Variants in IQSEC3 observed in about 807,000 individuals in gnomAD.
The protein encoded by IQSEC3 is IQ motif and SEC7 domain-containing protein 3.
A neutral mutation model predicts 105.4 loss-of-function variants in IQSEC3; 50 were observed. That is an observed-to-expected ratio of 0.47 (90% confidence interval 0.38 to 0.60). The LOEUF (loss-of-function observed/expected upper bound fraction) is 0.60, where lower values mean the gene tolerates loss of function less well. Among genes scored for constraint, IQSEC3 ranks in the 20% least tolerant of loss-of-function variants. The probability of loss-of-function intolerance (pLI) is 0.00; values close to 1 mark genes in which losing one functional copy is unlikely to be tolerated. For missense variants in IQSEC3, 1,415 were observed against 1,630.0 expected, an observed-to-expected ratio of 0.87 and a Z score of 2.27; for synonymous variants, 708 against 746.0, an observed-to-expected ratio of 0.95 and a Z score of 0.83.
chr12:109,997 A>T (rs896514567), intron 2 of IQSEC3, among the ~76,000 whole-genome samples: 8 of 152,186 alleles, frequency 5.3e-5, no homozygotes, highest in Admixed American at 2.6e-4. Flanking sequence ...AACAACAAAG[A>T]TTCAGCAACA....
chr12:91,130 C>T (rs1465287694), intron 1 of IQSEC3, among the ~76,000 whole-genome samples: 1 of 152,172 alleles, frequency 6.6e-6, no homozygotes, highest in African/African-American at 2.4e-5. Context: ...GGGGGATCCT[C>T]CTTCAGAGTT....
chr12:84,463 T>C (rs1378934215), intron 1 of IQSEC3, among the ~76,000 whole-genome samples: 1 of 152,224 alleles, frequency 6.6e-6, no homozygotes, highest in Admixed American at 6.5e-5. Flanking sequence ...TATGTGAGAA[T>C]ATGTATGTGT....
At chr12:130,859 C>T (rs1360234076) in intron 3 of IQSEC3, among the ~76,000 whole-genome samples, 1 of 152,226 alleles carries the variant, frequency 6.6e-6, no homozygotes, top group Admixed American at 6.5e-5. Flanking sequence ...TCTCTCTGCT[C>T]CTCAGCCTCA....
At chr12:154,653 G>T (rs530358203) in intron 5 of IQSEC3, among the ~76,000 whole-genome samples, 1 of 152,206 alleles carries the variant, frequency 6.6e-6, no homozygotes, top group Admixed American at 6.5e-5. Flanking sequence ...GCTCCATGCC[G>T]CCCCCACCAC....
Position 112,865 on chromosome 12 carries a change from GT to G in IQSEC3, c.624-12760del, listed in dbSNP as rs534854967. On this transcript the variant is annotated intron_variant, in intron 2 of 13. Coordinates refer to ENST00000538872, the MANE Select transcript of IQSEC3 (RefSeq NM_001170738.2). ...GAAGCCCTCTGTAGGCCTGTGCACT[GT>G]TTTTTTTCCTACATTTCACTTATTA... Among the ~76,000 whole-genome samples the G allele has an allele frequency of 4.6e-5, 7 of 151,850 alleles. No homozygotes were observed. The South Asian group carries it at 8.3e-4, about 18-fold the overall frequency.
At chr12:97,664 A>G (rs1366386913) in intron 1 of IQSEC3, among the ~76,000 whole-genome samples, 2 of 152,134 alleles carry the variant, frequency 1.3e-5, no homozygotes, top group East Asian at 3.9e-4. Flanking sequence ...AAATTTTTTT[A>G]AATTAGCTGA....
At position 170,336 on chromosome 12, in the gene IQSEC3, C is replaced by T. The variant is rs370903057; in HGVS notation, c.3065-776C>T. The stretch of plus-strand genomic sequence containing the variant: ...TCCTGCCTCTCTTTTGGAAGCTGCC[C>T]GCCCTGGTTAGGCCCAGATGCCTGT... On this transcript the variant is annotated intron_variant, in intron 12 of 13. Coordinates refer to ENST00000538872, the MANE Select transcript of IQSEC3 (RefSeq NM_001170738.2). Among the ~76,000 whole-genome samples, 8 of 151,570 alleles carry T rather than the reference C, an allele frequency of 5.3e-5. No individual in the cohort carries two copies. In the East Asian group the frequency reaches 9.9e-4, roughly 19 times the overall value.
chr12:158,858 C>T (rs1866789040), intron 7 of IQSEC3, among the ~76,000 whole-genome samples: 1 of 152,184 alleles, frequency 6.6e-6, no homozygotes, highest in Non-Finnish European at 1.5e-5. Context: ...GAGGTTTCAC[C>T]ATGTTGAACA....
rs782179616 is a variant in IQSEC3, at chr12:169,043, C to T, written c.3002C>T (p.Thr1001Ile). Residue 1001 changes from threonine (T) to isoleucine (I), a missense_variant, in exon 12 of 14, where the codon ACA (threonine) becomes ATA (isoleucine). This residue lies in a region of IQSEC3 where 419 missense variants were observed against 436.2 expected (regional missense o/e 0.96). Coordinates refer to ENST00000538872, the MANE Select transcript of IQSEC3 (RefSeq NM_001170738.2). ...CTGGAGAAGCAGCAGGGAACAAAGA[C>T]ACTCTCCTTCAAGCCCTGCGGAGCC... The part of the protein sequence containing the change: ...WELEKQQGTK[T>I]LSFKPCGAQG... 3.1e-6 allele frequency: 5 copies of T among 1,614,108 alleles called. No homozygotes were observed. The highest frequency in any genetic ancestry group is 4.2e-6 in the Non-Finnish European group (5 of 1,180,024).
chr12:172,762 G>C (rs1002373316), intron 13 of IQSEC3, among the ~76,000 whole-genome samples: 8 of 152,212 alleles, frequency 5.3e-5, no homozygotes, highest in Non-Finnish European at 8.8e-5. Context: ...GCAGGGAGGT[G>C]AGAAGGGGGT....
At chr12:145,270 C>CT (rs1170807510) in intron 5 of IQSEC3, among the ~76,000 whole-genome samples, 1 of 152,138 alleles carries the variant, frequency 6.6e-6, no homozygotes, top group Non-Finnish European at 1.5e-5. Flanking sequence ...TAAATGTTAG[C>CT]TCTTTCTTTT....
chr12:141,821 T>C (rs2291925), intron 5 of IQSEC3: 79,522 of 152,616 alleles, frequency 0.52, 24,198 homozygotes, highest in East Asian at 0.67. Context: ...AAAGAAAAAT[T>C]GTTTCTTTAA....
At chr12:70,015 C>G (rs527364455) in intron 1 of IQSEC3, among the ~76,000 whole-genome samples, 1 of 152,254 alleles carries the variant, frequency 6.6e-6, no homozygotes, top group Admixed American at 6.5e-5. Flanking sequence ...TGGTTCTCTA[C>G]TGGGAGTGCT....
At chr12:173,829 AG>A (rs908804206) in intron 13 of IQSEC3, among the ~76,000 whole-genome samples, 3 of 152,104 alleles carry the variant, frequency 2.0e-5, no homozygotes, top group African/African-American at 7.2e-5. Context: ...GCTAGTCCAT[AG>A]TGACCTCCAT....
chr12:168,134 G>A (rs572239312), intron 11 of IQSEC3, among the ~76,000 whole-genome samples: 4 of 152,342 alleles, frequency 2.6e-5, no homozygotes, highest in African/African-American at 9.6e-5. Flanking sequence ...CTTGAGTTAT[G>A]TCTCCTGGAA....
At chr12:126,434 G>A (rs1231088493) in intron 3 of IQSEC3, among the ~76,000 whole-genome samples, 1 of 152,188 alleles carries the variant, frequency 6.6e-6, no homozygotes, top group Non-Finnish European at 1.5e-5. Context: ...AGGGGCCTGG[G>A]CCTCCATTTT....
intron 3 of IQSEC3, among the ~76,000 whole-genome samples, chr12:126,572 T>TGTGTGTGTGTGTGTGTGTGC (rs1260117695): frequency 6.6e-6 from 1 of 151,384 alleles, no homozygotes; most frequent in South Asian, 2.1e-4. Context: ...TGTGTGTGTG[T>TGTGTGTGTGTGTGTGTGTGC]GCGCTTAGAG....
At position 152,826 on chromosome 12, in the gene IQSEC3, G is replaced by C. The variant is rs1469628343; in HGVS notation, c.2154-4199G>C. Among the ~76,000 whole-genome samples, 1 of 152,192 alleles carries C rather than the reference G, an allele frequency of 6.6e-6. No individual in the cohort carries two copies. The highest frequency in any genetic ancestry group is 2.4e-5 in the African/African-American group (1 of 41,448). ...ATGGGGCCAGCCCTACGTGGCATTAGTTTTGTCTTCTGTAAAATGGGGAGA... is the reference window on the plus strand; with the variant it reads ...ATGGGGCCAGCCCTACGTGGCATTACTTTTGTCTTCTGTAAAATGGGGAGA... On this transcript the variant is annotated intron_variant, in intron 5 of 13. Coordinates refer to ENST00000538872, the MANE Select transcript of IQSEC3 (RefSeq NM_001170738.2). This position sits in a 1 kb window ranked among gnomAD's most constrained non-coding sequence, Gnocchi z 4.8.
rs150954016 is a variant in IQSEC3 at position 154,891 on chromosome 12, G to A, written c.2154-2134G>A. Among the ~76,000 whole-genome samples the A allele has an allele frequency of 1.9e-4, 29 of 151,850 alleles. 1 individual carries two copies. In the East Asian group the frequency reaches 4.5e-3, roughly 23 times the overall value. ...TCCCTTTCTCTCCTTGCTCTCTGTCGAATTAGACTTTCCTTGTCCTTCGCT... is the reference window on the plus strand; with the variant it reads ...TCCCTTTCTCTCCTTGCTCTCTGTCAAATTAGACTTTCCTTGTCCTTCGCT... On this transcript the variant is annotated intron_variant, in intron 5 of 13. Transcript: ENST00000538872.
Sources: gnomAD v4.1 joint callset for allele counts (sites outside exome capture counted in the v4.1 genomes callset) on GRCh38, gnomAD v4.1.1 for gene constraint, gnomAD v4.1.1 regional missense constraint, Gnocchi (gnomAD v3.1) non-coding constraint, MANE v1.5 for transcripts, NCBI Gene and HGNC (gene_info 2026-07-23, HGNC 2026-07-21) for gene names.